MGA: variants seen among roughly 807,000 people sequenced by gnomAD.
MGA encodes the protein MAX gene-associated protein.
In MGA, 40 loss-of-function variants were observed where a neutral mutation model predicts 261.1. The ratio of observed to expected loss-of-function variants is 0.15; its 90% CI spans 0.12 to 0.20. The LOEUF is 0.20. Ranked by LOEUF, MGA falls within the 10% of genes least tolerant of loss-of-function variation. MGA has a pLI of 1.00. For synonymous variants in MGA, 1,302 were observed against 1,290.6 expected, an observed-to-expected ratio of 1.01 and a Z score of -0.19; for missense variants, 3,397 against 3,630.5, an observed-to-expected ratio of 0.94 and a Z score of 1.65.
At position 41,696,553 on chromosome 15, in the gene MGA, T is replaced by C. The variant is rs771287123; in HGVS notation, c.1543T>C (p.Ser515Pro). The change falls in exon 3 of 24, where the codon TCC becomes CCC. Residue 515 changes from serine to proline, a missense_variant. Ser to Pro is a moderately conservative substitution (Grantham distance 74, BLOSUM62 -1). This residue lies in a region of MGA where 563 missense variants were observed against 563.6 expected (regional missense o/e 1.00). Transcript: ENST00000219905. ...ATATTTGCCTACATACATTGAAAAT[T>C]CCAATGAGACTGCCTTCTGCTTAGG... is the stretch of plus-strand genomic sequence containing the variant. The C allele has an allele frequency of 6.2e-7, 1 of 1,613,972 alleles. No homozygotes were observed. Among genetic ancestry groups the C allele is most frequent in the Non-Finnish European group, 8.5e-7 (1 of 1,179,892 alleles).
chr15:41,737,915 G>A (rs1056614204), intron 13 of MGA, among the ~76,000 whole-genome samples: 5 of 152,012 alleles, frequency 3.3e-5, no homozygotes, highest in Non-Finnish European at 7.4e-5. Flanking sequence ...GGGAGGTGGA[G>A]GTTGCAGTGA....
intron 2 of MGA, among the ~76,000 whole-genome samples, chr15:41,695,393 T>C (rs1438264725): frequency 6.6e-6 from 1 of 152,144 alleles, no homozygotes; most frequent in Non-Finnish European, 1.5e-5. Flanking sequence ...TTCACCATGT[T>C]GGCCAGAATG....
rs773134158 is a variant in MGA, at chr15:41,760,532, A to G, written c.7398+3A>G. ...CCAAAAGTCTCATTCTTACTCGAGTAAGTGTTCTGTGTAAATGACAGTAAG... is the reference window on the plus strand; with the variant it reads ...CCAAAAGTCTCATTCTTACTCGAGTGAGTGTTCTGTGTAAATGACAGTAAG... On this transcript the variant is annotated splice_donor_region_variant and intron_variant, in intron 20 of 23. Transcript: ENST00000219905. 1.1e-5 allele frequency: 17 copies of G among 1,613,492 alleles called. No individual in the cohort carries two copies. The highest frequency in any genetic ancestry group is 1.7e-5 in the Admixed American group (1 of 60,000).
At chr15:41,672,490 G>A (rs560050312) in intron 2 of MGA, among the ~76,000 whole-genome samples, 5 of 152,260 alleles carry the variant, frequency 3.3e-5, no homozygotes, top group African/African-American at 1.2e-4. Flanking sequence ...CAGCTGTTGG[G>A]ATTACATATG....
intron 5 of MGA, among the ~76,000 whole-genome samples, chr15:41,704,455 C>G (rs12148570): frequency 0.25 from 38,119 of 152,110 alleles, 5,283 homozygotes; most frequent in Middle Eastern, 0.43. Context: ...GTCAGGAGAT[C>G]GAGACCATCC....
Position 41,742,492 on chromosome 15 carries a change from A to G in MGA, c.4586-54A>G, listed in dbSNP as rs570086527. The G allele has an allele frequency of 5.3e-5, 83 of 1,577,292 alleles. No homozygotes were observed. In the Middle Eastern group the frequency reaches 1.1e-3, roughly 22 times the overall value. On this transcript the variant is annotated intron_variant, in intron 14 of 23. Transcript: ENST00000219905. ...TAAATGTCGGTAAGCACAGTCACTA[A>G]GAGGATAAAATATGAGAACTGAAGA...
At chr15:41,679,994 C>T (rs778343085) in intron 2 of MGA, among the ~76,000 whole-genome samples, 2 of 151,992 alleles carry the variant, frequency 1.3e-5, no homozygotes, top group East Asian at 3.8e-4. Flanking sequence ...ATTTATTGAC[C>T]GTTGGGGTTA....
chr15:41,656,005 A>T (rs1381888176), upstream of MGA, among the ~76,000 whole-genome samples: 1 of 152,180 alleles, frequency 6.6e-6, no homozygotes, highest in African/African-American at 2.4e-5. Flanking sequence ...TATCCCAGGC[A>T]TTGTGATCAG....
rs775989421 is a variant in MGA, at chr15:41,669,063, C to G, written c.169C>G (p.Pro57Ala). The change falls in exon 2 of 24, where the codon CCA becomes GCA. Residue 57 changes from proline (P) to alanine (A), a missense_variant. This residue lies in a region of MGA where 81 missense variants were observed against 84.3 expected (regional missense o/e 0.96). Coordinates refer to ENST00000219905, the MANE Select transcript of MGA (RefSeq NM_001164273.2). The stretch of plus-strand genomic sequence containing the variant: ...TGCTTTGGCTAGTAGTGTGTCATCA[C>G]CAGTAAAATCTAAAGGGAAGATTTG... The G allele has an allele frequency of 1.1e-5, 18 of 1,611,296 alleles. No individual in the cohort carries two copies. Among genetic ancestry groups the G allele is most frequent in the Non-Finnish European group, 1.4e-5 (17 of 1,177,712 alleles).
chr15:41,623,136 A>G (rs1240167170), intron 1 of MGA, among the ~76,000 whole-genome samples: 2 of 152,232 alleles, frequency 1.3e-5, no homozygotes, highest in African/African-American at 4.8e-5. Context: ...GTTTTACATG[A>G]TTCCAACCAG....
intron 1 of MGA, among the ~76,000 whole-genome samples, chr15:41,635,258 C>T (rs1308510794): frequency 2.6e-5 from 4 of 152,092 alleles, no homozygotes; most frequent in Non-Finnish European, 5.9e-5. Flanking sequence ...TGCCTGAACC[C>T]AGGAGGTGGA....
In MGA at chr15:41,664,356, T is replaced by C. The variant is rs546117785; in HGVS notation, c.-68+3831T>C. On this transcript the variant is annotated intron_variant, in intron 1 of 23. Coordinates refer to ENST00000219905, the MANE Select transcript of MGA (RefSeq NM_001164273.2). The stretch of plus-strand genomic sequence containing the variant: ...AGTCTGATTTTCACCAAACTGGGTT[T>C]TTGTCAACTGCATCTTTGACATTTC... Among the ~76,000 whole-genome samples the C allele has an allele frequency of 1.4e-4, 21 of 152,364 alleles. No homozygotes were observed. In the South Asian group the frequency reaches 4.3e-3, roughly 32 times the overall value.
intron 1 of MGA, among the ~76,000 whole-genome samples, chr15:41,666,171 CG>C (rs201688670): frequency 0.014 from 2,128 of 151,954 alleles, 56 homozygotes; most frequent in African/African-American, 0.049. Flanking sequence ...ATGGAATTAC[CG>C]GTGTGAGCCA....
At chr15:41,756,793 T>G (rs888062682) in intron 18 of MGA, among the ~76,000 whole-genome samples, 3 of 152,196 alleles carry the variant, frequency 2.0e-5, no homozygotes, top group Admixed American at 2.0e-4. Context: ...GGAGTCTTGC[T>G]ATGTTGGCCA....
At position 41,651,013 on chromosome 15, in the gene MGA, G is replaced by C. The variant is rs1285676237; in HGVS notation, c.-67-17815G>C. Reference sequence around the variant, plus strand: ...GTTCTGGAGGCTGGGAAGTCCAAGAGTATGGCACTGGGATCTGATGAGGGT... The same window carrying C: ...GTTCTGGAGGCTGGGAAGTCCAAGACTATGGCACTGGGATCTGATGAGGGT... On this transcript the variant is annotated intron_variant, in intron 1 of 8. Transcript: ENST00000566718. Among the ~76,000 whole-genome samples the C allele has an allele frequency of 1.3e-5, 2 of 152,172 alleles. 1 individual carries two copies. Among genetic ancestry groups the C allele is most frequent in the South Asian group, 4.1e-4 (2 of 4,836 alleles).
At chr15:41,661,222 A>T (rs10775123) in intron 1 of MGA, among the ~76,000 whole-genome samples, 114,777 of 151,832 alleles carry the variant, frequency 0.76, 44,593 homozygotes, top group East Asian at 0.89. Flanking sequence ...TATTTTCTTT[A>T]TTCCTCTGTG....
intron 15 of MGA, among the ~76,000 whole-genome samples, chr15:41,748,385 T>A (rs1435903094): frequency 6.6e-6 from 1 of 152,170 alleles, no homozygotes; most frequent in Non-Finnish European, 1.5e-5. Context: ...AAACCCTGTC[T>A]CTACCCAAAA....
At chr15:41,658,551 A>G (rs2057256760), upstream of MGA, among the ~76,000 whole-genome samples, 1 of 152,082 alleles carries the variant, frequency 6.6e-6, no homozygotes, top group Admixed American at 6.5e-5. Flanking sequence ...TATTTTTAGA[A>G]TATCATCTAA....
intron 3 of MGA, among the ~76,000 whole-genome samples, 155 bp from the exon 4 acceptor site, chr15:41,698,708 A>G (rs997417110): frequency 6.6e-6 from 1 of 152,180 alleles, no homozygotes; most frequent in African/African-American, 2.4e-5. Context: ...AATATCAAAA[A>G]GTATGAAAAA....
Sources: allele counts gnomAD v4.1 joint callset (sites outside exome capture counted in the v4.1 genomes callset), GRCh38; gene constraint gnomAD v4.1.1; regional missense constraint gnomAD v4.1.1; transcripts MANE v1.5; gene names NCBI Gene and HGNC (gene_info 2026-07-23, HGNC 2026-07-21).